DCDC2: variants seen among roughly 807,000 people sequenced by gnomAD.
DCDC2 encodes doublecortin domain containing 2, also known as doublecortin domain-containing protein 2.
In DCDC2, 40 loss-of-function variants were observed where a neutral mutation model predicts 50.2. That is an observed-to-expected ratio of 0.80 (90% CI 0.62 to 1.04). DCDC2 has a LOEUF of 1.04. Among genes scored for constraint, DCDC2 ranks in the 50% least tolerant of loss-of-function variants. The pLI, the probability that DCDC2 is intolerant of heterozygous loss-of-function variation, is 0.00. For synonymous variants in DCDC2, 234 were observed against 210.6 expected, an observed-to-expected ratio of 1.11 and a Z score of -0.96; for missense variants, 570 against 581.9, an observed-to-expected ratio of 0.98 and a Z score of 0.21.
intron 2 of DCDC2, among the ~76,000 whole-genome samples, chr6:24,317,247 T>A (rs1414882668): frequency 6.6e-6 from 1 of 152,072 alleles, no homozygotes; most frequent in Non-Finnish European, 1.5e-5. Flanking sequence ...TAAACCATAA[T>A]TTTAAAAATT....
chr6:24,366,006 C>G, the DCDC2 span, among the ~76,000 whole-genome samples: 2 of 151,916 alleles, frequency 1.3e-5, no homozygotes, highest in Non-Finnish European at 2.9e-5. Context: ...TTAGTAGAGA[C>G]GGGCTTTCAC....
In DCDC2 at chr6:24,275,866, ATTTTT is replaced by A. The variant is rs10685261; in HGVS notation, c.922+2178_922+2182del. On this transcript the variant is annotated intron_variant, in intron 7 of 9. Coordinates refer to ENST00000378454, the MANE Select transcript of DCDC2 (RefSeq NM_016356.5). ...CAAAAGCAAAAATGCCAATAATTCA[ATTTTT>A]TTTTTTTTTTTTTTTTTAGGCAGGG... Among the ~76,000 whole-genome samples the A allele has an allele frequency of 3.7e-5, 4 of 108,112 alleles. No individual in the cohort carries two copies. In the South Asian group the frequency reaches 1.4e-3, roughly 37 times the overall value. 70.9% of individuals were successfully genotyped at this position (108,112 alleles called of 152,430 possible).
At chr6:24,189,405 T>G (rs1313680190) in intron 8 of DCDC2, among the ~76,000 whole-genome samples, 1 of 152,190 alleles carries the variant, frequency 6.6e-6, no homozygotes, top group African/African-American at 2.4e-5. Context: ...ATCAATTACT[T>G]GGAAGGTATT....
rs76921187 is a variant in DCDC2, at chr6:24,190,270, A to C, written c.1024-11638T>G. Among the ~76,000 whole-genome samples the C allele has an allele frequency of 3.0e-3, 454 of 152,290 alleles. 1 individual carries two copies. Among genetic ancestry groups the C allele is most frequent in the African/African-American group, 9.9e-3 (411 of 41,568 alleles). Reference sequence around the variant, plus strand: ...CAAATGAGAATATATGATAAACTGAAAACATACTTAGATGGCATGAATATA... The same window carrying C: ...CAAATGAGAATATATGATAAACTGACAACATACTTAGATGGCATGAATATA... On this transcript the variant is annotated intron_variant, in intron 8 of 9. Coordinates refer to ENST00000378454, the MANE Select transcript of DCDC2 (RefSeq NM_016356.5).
intron 9 of DCDC2, 50 bp downstream of exon 9, chr6:24,178,276 TACAC>T (rs1240320820): frequency 3.9e-6 from 6 of 1,539,090 alleles, no homozygotes; most frequent in Non-Finnish European, 8.9e-7. Context: ...TGCACGCATG[TACAC>T]ACACACATAT....
intron 8 of DCDC2, among the ~76,000 whole-genome samples, chr6:24,182,663 G>GAAAAAAAAAAAAAA (rs1761103634): frequency 1.0e-5 from 1 of 95,878 alleles, no homozygotes. Flanking sequence ...AACAAGCGTT[G>GAAAAAAAAAAAAAA]ACAAGGATGT....
At chr6:24,192,974 A>G (rs1268658918) in intron 8 of DCDC2, among the ~76,000 whole-genome samples, 1 of 152,088 alleles carries the variant, frequency 6.6e-6, no homozygotes, top group Non-Finnish European at 1.5e-5. Flanking sequence ...GAACACCAGG[A>G]ACAAAGAAAA....
intron 2 of DCDC2, among the ~76,000 whole-genome samples, chr6:24,315,743 C>G (rs757693303): frequency 7.2e-5 from 11 of 152,044 alleles, no homozygotes; most frequent in Non-Finnish European, 1.5e-4. Context: ...AATGCAGGGC[C>G]TCCTACACCA....
chr6:24,179,964 A>AAAT (rs1761028163), intron 8 of DCDC2, among the ~76,000 whole-genome samples: 2 of 147,294 alleles, frequency 1.4e-5, no homozygotes, highest in Admixed American at 6.8e-5. Context: ...AAAAAAAAAA[A>AAAT]AAAAAAACAA....
intron 2 of DCDC2, among the ~76,000 whole-genome samples, chr6:24,327,357 G>T (rs1023949003): frequency 4.0e-5 from 6 of 149,264 alleles, no homozygotes; most frequent in African/African-American, 1.5e-4. Flanking sequence ...TAGCTTCAGG[G>T]TCTTTAGCAA....
At chr6:24,270,868 G>T (rs1763221902) in intron 7 of DCDC2, among the ~76,000 whole-genome samples, 1 of 152,026 alleles carries the variant, frequency 6.6e-6, no homozygotes, top group Non-Finnish European at 1.5e-5. Flanking sequence ...TTCAGTCTTT[G>T]GTATGCCAGA....
rs1461420630 is a variant in DCDC2, at chr6:24,173,941, T to C, written c.*789A>G. 1.3e-5 allele frequency: 2 copies of C among 152,204 alleles called. No homozygotes were observed. Among genetic ancestry groups the C allele is most frequent in the African/African-American group, 2.4e-5 (1 of 41,448 alleles). The allele number at this position is 152,204 out of a possible 1,614,324, so 9.4% of individuals were successfully genotyped here. ...CATAAGGGAGAAGAGAGAGATACTA[T>C]TGGTAAAGATAGACTGGATCAGTGA... On this transcript the variant is annotated 3_prime_UTR_variant, in exon 10 of 10. Coordinates refer to ENST00000378454, the MANE Select transcript of DCDC2 (RefSeq NM_016356.5).
chr6:24,183,431 T>G (rs1204894425), intron 8 of DCDC2, among the ~76,000 whole-genome samples: 1 of 152,042 alleles, frequency 6.6e-6, no homozygotes, highest in Non-Finnish European at 1.5e-5. Flanking sequence ...CACCAGGAAG[T>G]CGAGAGTTTT....
chr6:24,321,796 T>C (rs1256082800), intron 2 of DCDC2, among the ~76,000 whole-genome samples: 2 of 152,218 alleles, frequency 1.3e-5, no homozygotes, highest in African/African-American at 4.8e-5. Flanking sequence ...CATAAAGACA[T>C]GAGACGTTTG....
intron 1 of DCDC2, 71 bp downstream of exon 1, chr6:24,357,387 C>A (rs1760491996): frequency 6.7e-7 from 1 of 1,488,510 alleles, no homozygotes; most frequent in East Asian, 2.3e-5. Flanking sequence ...GGGTAGGGAT[C>A]TGCATTTCTT....
chr6:24,184,556 G>A (rs1447394123), intron 8 of DCDC2, among the ~76,000 whole-genome samples: 2 of 147,910 alleles, frequency 1.4e-5, no homozygotes, highest in African/African-American at 5.1e-5. Flanking sequence ...GGGCCACAGA[G>A]AGAGACTCTG....
chr6:24,267,541 C>T (rs1763150013), intron 7 of DCDC2, among the ~76,000 whole-genome samples: 1 of 152,056 alleles, frequency 6.6e-6, no homozygotes, highest in Non-Finnish European at 1.5e-5. Context: ...TGCTGGGTCT[C>T]AAAAAATAAT....
At chr6:24,241,287 T>C (rs73726626) in intron 7 of DCDC2, among the ~76,000 whole-genome samples, 3,025 of 152,302 alleles carry the variant, frequency 0.02, 87 homozygotes, top group African/African-American at 0.064. Flanking sequence ...AGTTTTACAC[T>C]TTTACATTGC....
intron 8 of DCDC2, among the ~76,000 whole-genome samples, chr6:24,195,801 T>C (rs1761421682): frequency 6.6e-6 from 1 of 152,154 alleles, no homozygotes; most frequent in Non-Finnish European, 1.5e-5. Context: ...TCCAAGGCCA[T>C]TCACTATACA....
Sources: gnomAD v4.1 joint callset for allele counts (sites outside exome capture counted in the v4.1 genomes callset) on GRCh38, gnomAD v4.1.1 for gene constraint, MANE v1.5 for transcripts, NCBI Gene and HGNC (gene_info 2026-07-23, HGNC 2026-07-21) for gene names.